CYREN: variants seen among roughly 807,000 people sequenced by gnomAD.
CYREN encodes the protein cell cycle regulator of non-homologous end joining.
CYREN carries 7 observed loss-of-function variants against 9.7 expected under a neutral mutation model. The observed-to-expected ratio is 0.72, with a 90% CI of 0.41 to 1.36. The LOEUF is 1.36. CYREN is among the 40% of genes most tolerant of loss of function. The pLI is 0.01. For synonymous variants in CYREN, 76 were observed against 77.9 expected (o/e 0.98, Z 0.13); for missense variants, 215 against 198.1 (o/e 1.09, Z -0.51).
chr7:135,101,787 G>A (rs940133496), intron 2 of CYREN, among the ~76,000 whole-genome samples: 3 of 152,070 alleles, frequency 2.0e-5, no homozygotes, highest in Non-Finnish European at 2.9e-5. Flanking sequence ...TGGTTGATAT[G>A]GTTTGCCTGT....
chr7:135,094,414 G>A lies in CYREN; in HGVS notation n.525C>T, dbSNP rs760533884. On this transcript the variant is annotated non_coding_transcript_exon_variant, in exon 3 of 3. Transcript: ENST00000459937. ...AGCTGCTAGAATCATAAACTGGTAGGAACACTTAAACAGTGATTTTAACAA... is the reference window on the plus strand; with the variant it reads ...AGCTGCTAGAATCATAAACTGGTAGAAACACTTAAACAGTGATTTTAACAA... 66 of 456,684 alleles carry A rather than the reference G, an allele frequency of 1.4e-4. 1 individual carries two copies. Among genetic ancestry groups the A allele is most frequent in the South Asian group, 9.9e-4 (64 of 64,558 alleles). The allele number at this position is 456,684 out of a possible 1,614,324, so 28.3% of individuals were successfully genotyped here.
At chr7:135,143,565 G>A (rs898632984) in intron 2 of CYREN, among the ~76,000 whole-genome samples, 1 of 152,130 alleles carries the variant, frequency 6.6e-6, no homozygotes, top group African/African-American at 2.4e-5. Flanking sequence ...GGTATGTGTA[G>A]GAATTACATG....
intron 2 of CYREN, chr7:135,147,833 G>A (rs1032837203): frequency 1.5e-5 from 7 of 456,096 alleles, no homozygotes; most frequent in Admixed American, 1.2e-4. Flanking sequence ...TGGGAGCTTC[G>A]AGAGTTCTTT....
chr7:135,112,847 G>C (rs1175251531), intron 2 of CYREN, among the ~76,000 whole-genome samples: 5 of 152,106 alleles, frequency 3.3e-5, no homozygotes, highest in Non-Finnish European at 7.4e-5. Flanking sequence ...ATGCGATCTT[G>C]GCTCACTGCA....
chr7:135,167,969 A>C, intron 2 of CYREN, 162 bp from the exon 3 acceptor site: 2 of 1,269,216 alleles, frequency 1.6e-6, no homozygotes, highest in Non-Finnish European at 2.1e-6. Flanking sequence ...CAATTTCCTC[A>C]GCCTTGCAGC....
intron 2 of CYREN, among the ~76,000 whole-genome samples, chr7:135,159,818 A>G (rs1209744286): frequency 1.3e-5 from 2 of 152,258 alleles, no homozygotes; most frequent in East Asian, 3.8e-4. Context: ...AACTTTACTT[A>G]TTATGAAGAA....
chr7:135,096,737 AAGAAT>A (rs1295871344), intron 2 of CYREN, among the ~76,000 whole-genome samples: 4 of 131,772 alleles, frequency 3.0e-5, no homozygotes, highest in Non-Finnish European at 4.9e-5. Context: ...AAGAAAGAGA[AAGAAT>A]GAAAGAAAGA....
intron 2 of CYREN, among the ~76,000 whole-genome samples, chr7:135,130,669 T>G (rs1316049884): frequency 6.6e-6 from 1 of 152,160 alleles, no homozygotes; most frequent in Non-Finnish European, 1.5e-5. Context: ...TTGAATTATC[T>G]GCATTTACCA....
At chr7:135,129,253 G>T (rs1192911787) in intron 2 of CYREN, 7 of 1,524,478 alleles carry the variant, frequency 4.6e-6, no homozygotes, top group Non-Finnish European at 4.5e-6. Flanking sequence ...ATGGGTATCT[G>T]CTCCAGCTGC....
upstream of CYREN, chr7:135,170,877 A>G (rs1830618242): frequency 6.7e-6 from 1 of 150,070 alleles, no homozygotes; most frequent in Non-Finnish European, 1.5e-5. Context: ...CCATGCTGGC[A>G]GTGGTAATGC....
At position 135,167,494 on chromosome 7, in the gene CYREN, C is replaced by T. The variant is rs444019; in HGVS notation, c.213+238G>A. ...AGTCACGCTCTCCCTAACACACACACGCCCTCCCTAACACACGCATGCCCT... is the reference window on the plus strand; with the variant it reads ...AGTCACGCTCTCCCTAACACACACATGCCCTCCCTAACACACGCATGCCCT... On this transcript the variant is annotated intron_variant, in intron 3 of 3. Transcript: ENST00000393114. 183 of 1,398,862 alleles carry T rather than the reference C, an allele frequency of 1.3e-4. 1 individual carries two copies. In the East Asian group the frequency reaches 4.5e-3, roughly 34 times the overall value. 86.7% of individuals were successfully genotyped at this position (1,398,862 alleles called of 1,614,324 possible).
intron 2 of CYREN, among the ~76,000 whole-genome samples, chr7:135,108,815 T>A (rs891396453): frequency 1.3e-5 from 2 of 152,208 alleles, no homozygotes; most frequent in South Asian, 4.1e-4. Flanking sequence ...CTTTCAGGGA[T>A]GCAAATGATT....
chr7:135,130,969 A>C (rs1828671693), intron 2 of CYREN, among the ~76,000 whole-genome samples: 1 of 152,148 alleles, frequency 6.6e-6, no homozygotes, highest in African/African-American at 2.4e-5. Context: ...CAGCTTGAGA[A>C]CATATTGTTT....
chr7:135,117,333 T>C (rs1826461626), intron 2 of CYREN, among the ~76,000 whole-genome samples: 1 of 150,548 alleles, frequency 6.6e-6, no homozygotes, highest in Non-Finnish European at 1.5e-5. Flanking sequence ...CTAGACCCTA[T>C]TCATTTTGGC....
intron 2 of CYREN, among the ~76,000 whole-genome samples, chr7:135,134,029 TA>T (rs1416131102): frequency 6.6e-6 from 1 of 151,826 alleles, no homozygotes; most frequent in Non-Finnish European, 1.5e-5. Context: ...AACAAAATAA[TA>T]TAACTTGATA....
At chr7:135,099,554 G>A (rs1320727918) in intron 2 of CYREN, among the ~76,000 whole-genome samples, 3 of 151,888 alleles carry the variant, frequency 2.0e-5, no homozygotes, top group Non-Finnish European at 4.4e-5. Flanking sequence ...CCCCTTCTTG[G>A]CTTCTAAAAA....
chr7:135,096,084 G>A lies in CYREN; in HGVS notation n.357-1502C>T, dbSNP rs142645659. ...GGAGAATTGCTTGAACCTGGGAGGCGGAGGTTGCAGTGAGCTGAGATCATG... is the reference window on the plus strand; with the variant it reads ...GGAGAATTGCTTGAACCTGGGAGGCAGAGGTTGCAGTGAGCTGAGATCATG... On this transcript the variant is annotated intron_variant and non_coding_transcript_variant, in intron 2 of 2. Coordinates refer to the CYREN transcript ENST00000459937. 6.9e-3 allele frequency among the ~76,000 whole-genome samples: 1,045 copies of A among 151,972 alleles called. 7 individuals carry two copies. Among genetic ancestry groups the A allele is most frequent in the African/African-American group, 0.024 (983 of 41,434 alleles).
At chr7:135,113,246 A>G (rs1825886495) in intron 2 of CYREN, among the ~76,000 whole-genome samples, 1 of 152,226 alleles carries the variant, frequency 6.6e-6, no homozygotes, top group Non-Finnish European at 1.5e-5. Context: ...TTTTAAGAAT[A>G]GATAATTTCT....
intron 2 of CYREN, among the ~76,000 whole-genome samples, chr7:135,141,188 GGGCCTTTTCT>G (rs1459068393): frequency 6.6e-6 from 1 of 151,958 alleles, no homozygotes; most frequent in Non-Finnish European, 1.5e-5. Context: ...GTATGGTCCA[GGGCCTTTTCT>G]GGTTGGTAGG....
Sources: allele counts gnomAD v4.1 joint callset (sites outside exome capture counted in the v4.1 genomes callset), GRCh38; gene constraint gnomAD v4.1.1; transcripts MANE v1.5; gene names NCBI Gene and HGNC (gene_info 2026-07-23, HGNC 2026-07-21).